The following FYB1 variants were observed in gnomAD, a reference collection of about 807,000 sequenced individuals.
FYB1 encodes FYN binding protein 1, also known as FYN-binding protein 1.
Under a neutral mutation model 94.1 loss-of-function variants are expected in FYB1, and 41 were observed. The observed-to-expected ratio is 0.44, with a 90% CI of 0.34 to 0.57. The LOEUF is 0.57. FYB1 is among the 20% of genes least tolerant of loss of function. The pLI, the probability that FYB1 is intolerant of heterozygous loss-of-function variation, is 0.02. For synonymous variants in FYB1, 367 were observed against 353.2 expected (o/e 1.04, Z -0.44); for missense variants, 1,050 against 976.8 (o/e 1.07, Z -1.00).
At chr5:39,160,704 C>T (rs1240293529) in intron 2 of FYB1, among the ~76,000 whole-genome samples, 1 of 152,166 alleles carries the variant, frequency 6.6e-6, no homozygotes, top group Admixed American at 6.5e-5. Context: ...TGACTCTTAA[C>T]TTGCAGGGCT....
intron 2 of FYB1, among the ~76,000 whole-genome samples, chr5:39,177,897 G>GCTTCCCCA (rs1034265406): frequency 1.3e-5 from 2 of 152,136 alleles, no homozygotes; most frequent in Non-Finnish European, 2.9e-5. Context: ...TTCTCACTCC[G>GCTTCCCCA]CTTCCCCATC....
At chr5:39,200,385 G>T (rs1009399221) in intron 2 of FYB1, among the ~76,000 whole-genome samples, 3 of 152,194 alleles carry the variant, frequency 2.0e-5, no homozygotes, top group African/African-American at 7.2e-5. Flanking sequence ...AAAGATGGAA[G>T]AAAGTTCCCA....
chr5:39,195,185 G>T (rs958555301), intron 2 of FYB1, among the ~76,000 whole-genome samples: 2 of 152,132 alleles, frequency 1.3e-5, no homozygotes, highest in Non-Finnish European at 2.9e-5. Context: ...TACGTTCCCA[G>T]TGCACAGTGA....
chr5:39,194,993 G>A (rs150413875), intron 2 of FYB1, among the ~76,000 whole-genome samples: 10 of 152,254 alleles, frequency 6.6e-5, no homozygotes, highest in Non-Finnish European at 1.2e-4. Context: ...GAGAACGAGC[G>A]TGCAGGGTGT....
chr5:39,171,736 G>A (rs370482237), intron 2 of FYB1, among the ~76,000 whole-genome samples: 3 of 152,230 alleles, frequency 2.0e-5, no homozygotes, highest in South Asian at 4.1e-4. Context: ...ATAATACCAC[G>A]TTAACTACCA....
chr5:39,240,918 C>A (rs1283153958), intron 1 of FYB1, among the ~76,000 whole-genome samples: 1 of 152,134 alleles, frequency 6.6e-6, no homozygotes, highest in Non-Finnish European at 1.5e-5. Flanking sequence ...ACAGAGTCAA[C>A]CTGAACACCA....
At chr5:39,243,746 C>T (rs1306730045) in intron 1 of FYB1, among the ~76,000 whole-genome samples, 2 of 152,154 alleles carry the variant, frequency 1.3e-5, no homozygotes, top group East Asian at 3.9e-4. Context: ...TGGCCATTTT[C>T]ACGATATTGA....
intron 16 of FYB1, 88 bp from the exon 17 acceptor site, chr5:39,110,477 G>A (rs1738971237): frequency 1.3e-6 from 1 of 786,872 alleles, no homozygotes; most frequent in African/African-American, 1.7e-5. Flanking sequence ...ACACAAGAGA[G>A]TAATCATAGT....
intron 1 of FYB1, among the ~76,000 whole-genome samples, chr5:39,244,862 G>C (rs187724599): frequency 6.6e-6 from 1 of 152,150 alleles, no homozygotes; most frequent in Non-Finnish European, 1.5e-5. Context: ...TCCTGGTTTA[G>C]TCTTGGGAGG....
chr5:39,247,790 G>A (rs1751547327), intron 1 of FYB1, among the ~76,000 whole-genome samples: 1 of 151,844 alleles, frequency 6.6e-6, no homozygotes, highest in East Asian at 1.9e-4. Context: ...GTATATGCCA[G>A]CACCATAGTG....
chr5:39,194,240 G>C (rs1302855647), intron 2 of FYB1, among the ~76,000 whole-genome samples: 1 of 152,180 alleles, frequency 6.6e-6, no homozygotes, highest in Admixed American at 6.5e-5. Flanking sequence ...TGAAACATTA[G>C]CTGGGTGCAG....
At chr5:39,204,872 T>C (rs2150505765) in intron 1 of FYB1, among the ~76,000 whole-genome samples, 1 of 152,276 alleles carries the variant, frequency 6.6e-6, no homozygotes, top group East Asian at 1.9e-4. Context: ...ACCTCCCTTA[T>C]CTGAGTTGTT....
chr5:39,265,787 C>T lies in FYB1; in HGVS notation c.-28+8616G>A, dbSNP rs549446021. ...AAGTGTAACCCGTGGGAAGCCTGGACACCATGTGTTGTTCACCCTGCATTC... is the reference window on the plus strand; with the variant it reads ...AAGTGTAACCCGTGGGAAGCCTGGATACCATGTGTTGTTCACCCTGCATTC... On this transcript the variant is annotated intron_variant, in intron 1 of 1. Transcript: ENST00000510188. Among the ~76,000 whole-genome samples, 60 of 152,322 alleles carry T rather than the reference C, an allele frequency of 3.9e-4. 1 individual carries two copies. In the Middle Eastern group the frequency reaches 0.014, roughly 35 times the overall value.
intron 1 of FYB1, among the ~76,000 whole-genome samples, chr5:39,206,395 T>A (rs553056832): frequency 1.3e-5 from 2 of 152,218 alleles, no homozygotes; most frequent in Non-Finnish European, 2.9e-5. Context: ...ATAGGTAGTT[T>A]TTTTCTTTAA....
chr5:39,202,015 C>A lies in FYB1; in HGVS notation c.946G>T (p.Ala316Ser). The change falls in exon 2 of 19, where the codon GCC becomes TCC. Residue 316 changes from alanine to serine, a missense_variant. Physicochemically the swap from Ala to Ser is moderately conservative, Grantham distance 99 (BLOSUM62 1). Coordinates refer to ENST00000512982, the MANE Select transcript of FYB1 (RefSeq NM_001465.6). ...CCCCCCACTGTCAGCTTAGAAGGGGCCTTAGGGAACCTGGCAGGAGGAGTC... is the reference window on the plus strand; with the variant it reads ...CCCCCCACTGTCAGCTTAGAAGGGGACTTAGGGAACCTGGCAGGAGGAGTC... ...SGTPPARFPK[A>S]PSKLTVGGPW... 6.2e-7 allele frequency: 1 copy of A among 1,614,028 alleles called. No individual in the cohort carries two copies. Among genetic ancestry groups the A allele is most frequent in the Non-Finnish European group, 8.5e-7 (1 of 1,179,888 alleles).
intron 12 of FYB1, among the ~76,000 whole-genome samples, chr5:39,125,513 G>T (rs1561140344): frequency 6.6e-6 from 1 of 151,954 alleles, no homozygotes; most frequent in African/African-American, 2.4e-5. Context: ...TGTACTTAGA[G>T]AAAAAAATTC....
intron 2 of FYB1, among the ~76,000 whole-genome samples, chr5:39,160,139 T>C (rs1744118452): frequency 6.6e-6 from 1 of 152,218 alleles, no homozygotes; most frequent in African/African-American, 2.4e-5. Context: ...CTTCCAGTTT[T>C]TATTACTCAA....
At chr5:39,131,834 G>A (rs1288933369) in intron 9 of FYB1, among the ~76,000 whole-genome samples, 3 of 152,120 alleles carry the variant, frequency 2.0e-5, no homozygotes, top group Non-Finnish European at 2.9e-5. Context: ...AGGGTTGTTG[G>A]AATAAGGAGC....
chr5:39,184,400 T>C (rs527780153), intron 2 of FYB1, among the ~76,000 whole-genome samples: 2 of 152,326 alleles, frequency 1.3e-5, no homozygotes, highest in African/African-American at 4.8e-5. Context: ...TTTGACTTTA[T>C]ATGATTTCAA....
Sources: allele counts gnomAD v4.1 joint callset (sites outside exome capture counted in the v4.1 genomes callset), GRCh38; gene constraint gnomAD v4.1.1; transcripts MANE v1.5; gene names NCBI Gene and HGNC (gene_info 2026-07-23, HGNC 2026-07-21).